Variants in ESR1 observed in about 807,000 individuals in gnomAD.
The protein encoded by ESR1 is estrogen receptor 1.
In ESR1, 12 loss-of-function variants were observed where a neutral mutation model predicts 52.7. That is an observed-to-expected ratio of 0.23 (90% CI 0.15 to 0.37). The LOEUF is 0.37. Ranked by LOEUF, ESR1 falls within the 10% of genes least tolerant of loss-of-function variation. The pLI, the probability that ESR1 is intolerant of heterozygous loss-of-function variation, is 1.00. For synonymous variants in ESR1, 305 were observed against 316.8 expected, an observed-to-expected ratio of 0.96 and a Z score of 0.39; for missense variants, 584 against 779.7, an observed-to-expected ratio of 0.75 and a Z score of 2.99.
At chr6:151,985,819 A>G in intron 4 of ESR1, among the ~76,000 whole-genome samples, 1 of 151,916 alleles carries the variant, frequency 6.6e-6, no homozygotes, top group Non-Finnish European at 1.5e-5. Flanking sequence ...GGTGTGTGCC[A>G]CCATCCCTGG....
At chr6:151,657,545 T>C (rs767097494) in intron 1 of ESR1, among the ~76,000 whole-genome samples, 2 of 152,202 alleles carry the variant, frequency 1.3e-5, no homozygotes, top group Non-Finnish European at 2.9e-5. Flanking sequence ...GGATCTACCA[T>C]GGGTGTTTAG....
chr6:151,762,856 C>A (rs1345660889), intron 2 of ESR1, among the ~76,000 whole-genome samples: 1 of 151,990 alleles, frequency 6.6e-6, no homozygotes, highest in Non-Finnish European at 1.5e-5. Context: ...CCCAGCTATT[C>A]AGGAGGCTGA....
At chr6:151,860,457 T>C (rs1192851933) in intron 2 of ESR1, among the ~76,000 whole-genome samples, 2 of 152,172 alleles carry the variant, frequency 1.3e-5, no homozygotes, top group Non-Finnish European at 2.9e-5. Flanking sequence ...GGGATATAGG[T>C]ATATAGTGTG....
At chr6:152,073,610 A>G (rs1242076508) in intron 6 of ESR1, among the ~76,000 whole-genome samples, 2 of 152,202 alleles carry the variant, frequency 1.3e-5, no homozygotes, top group Non-Finnish European at 2.9e-5. Flanking sequence ...CAGGAAAATT[A>G]TTAGTTTTCT....
intron 3 of ESR1, among the ~76,000 whole-genome samples, chr6:151,914,471 A>AT (rs1798735793): frequency 6.6e-6 from 1 of 152,258 alleles, no homozygotes; most frequent in Admixed American, 6.5e-5. Context: ...GAAGAAAAAT[A>AT]GCTTATAATG....
chr6:151,925,366 G>A (rs556782788), intron 3 of ESR1, among the ~76,000 whole-genome samples: 1 of 152,302 alleles, frequency 6.6e-6, no homozygotes, highest in African/African-American at 2.4e-5. Context: ...CAGCACTTTG[G>A]GAAGCTGAGG....
chr6:152,002,702 A>C (rs2042050189), intron 4 of ESR1, among the ~76,000 whole-genome samples: 1 of 151,940 alleles, frequency 6.6e-6, no homozygotes, highest in Non-Finnish European at 1.5e-5. Flanking sequence ...AATTTCTTTT[A>C]CCTTTTTCCC....
chr6:151,930,031 G>A (rs915543036), intron 3 of ESR1, among the ~76,000 whole-genome samples: 12 of 150,866 alleles, frequency 8.0e-5, no homozygotes, highest in East Asian at 1.9e-4. Context: ...TTGCCCAGGC[G>A]GGAGTGCAAT....
At chr6:151,782,299 A>T (rs960346142) in intron 2 of ESR1, among the ~76,000 whole-genome samples, 5 of 152,376 alleles carry the variant, frequency 3.3e-5, no homozygotes, top group African/African-American at 1.2e-4. Context: ...GTTAAAAATT[A>T]TAAAGAAACA....
At chr6:151,817,046 G>A (rs1181021658) in intron 1 of ESR1, among the ~76,000 whole-genome samples, 2 of 152,194 alleles carry the variant, frequency 1.3e-5, no homozygotes, top group East Asian at 1.9e-4. Context: ...AGAGGGCAAG[G>A]AAGGAATTTT....
upstream of ESR1, among the ~76,000 whole-genome samples, chr6:151,800,864 G>A (rs939963093): frequency 6.6e-5 from 10 of 152,126 alleles, no homozygotes; most frequent in South Asian, 4.1e-4. Context: ...AGGAGCTCTC[G>A]CAAACATGGA....
chr6:152,041,228 T>C (rs1236253954), intron 5 of ESR1, among the ~76,000 whole-genome samples: 1 of 152,160 alleles, frequency 6.6e-6, no homozygotes, highest in Non-Finnish European at 1.5e-5. Flanking sequence ...TATCTGCCAT[T>C]GACACTTCAA....
intron 6 of ESR1, among the ~76,000 whole-genome samples, chr6:152,083,461 C>T (rs185652016): frequency 2.6e-5 from 4 of 152,084 alleles, no homozygotes; most frequent in South Asian, 2.1e-4. Context: ...TACAAAAATT[C>T]GCTCAAGAAG....
chr6:151,723,614 A>T (rs1781618353), intron 2 of ESR1, among the ~76,000 whole-genome samples: 1 of 152,220 alleles, frequency 6.6e-6, no homozygotes, highest in South Asian at 2.1e-4. Flanking sequence ...CACACCTGTA[A>T]TCCCAGCACT....
Position 151,834,014 on chromosome 6 carries a change from G to A in ESR1, c.453-8583G>A, listed in dbSNP as rs149750269. Among the ~76,000 whole-genome samples, 1,417 of 152,318 alleles carry A rather than the reference G, an allele frequency of 9.3e-3. 13 individuals carry two copies. The highest frequency in any genetic ancestry group is 0.014 in the Non-Finnish European group (933 of 68,032). On this transcript the variant is annotated intron_variant, in intron 1 of 7. Coordinates refer to ENST00000206249, the MANE Select transcript of ESR1 (RefSeq NM_000125.4). The stretch of plus-strand genomic sequence containing the variant: ...CACAATGATATACCATCTCACGCCA[G>A]TTAGAATGGTGATCATTAAAAAGTC...
chr6:151,884,236 T>G (rs932101313), intron 3 of ESR1, among the ~76,000 whole-genome samples: 1 of 152,236 alleles, frequency 6.6e-6, no homozygotes, highest in South Asian at 2.1e-4. Context: ...TTTATTGTAT[T>G]TTCTACAACA....
At chr6:151,691,506 T>C (rs1778940507) in intron 1 of ESR1, among the ~76,000 whole-genome samples, 1 of 152,222 alleles carries the variant, frequency 6.6e-6, no homozygotes, top group Non-Finnish European at 1.5e-5. Flanking sequence ...GATTAAAAGA[T>C]TTTAAAGCAA....
intron 2 of ESR1, among the ~76,000 whole-genome samples, chr6:151,864,979 A>C (rs1334094131): frequency 6.6e-6 from 1 of 150,874 alleles, no homozygotes; most frequent in African/African-American, 2.4e-5. Context: ...AGGAGATATA[A>C]CTAATGTAAA....
At chr6:151,931,790 T>C (rs1199626948) in intron 3 of ESR1, among the ~76,000 whole-genome samples, 1 of 146,548 alleles carries the variant, frequency 6.8e-6, no homozygotes, top group Non-Finnish European at 1.5e-5. Flanking sequence ...ACTCATCATT[T>C]TTTATGGCTG....
Sources: allele counts gnomAD v4.1 joint callset (sites outside exome capture counted in the v4.1 genomes callset), GRCh38; gene constraint gnomAD v4.1.1; transcripts MANE v1.5; gene names NCBI Gene and HGNC (gene_info 2026-07-23, HGNC 2026-07-21).